Variants in DGKI observed in about 807,000 individuals in gnomAD.
The protein encoded by DGKI is DAG kinase iota.
DGKI carries 55 observed loss-of-function variants against 147.5 expected under a neutral mutation model. The observed-to-expected ratio is 0.37, with a 90% CI of 0.30 to 0.47. The LOEUF is 0.47. DGKI is among the 20% of genes least tolerant of loss of function. The pLI is 1.00. For missense variants in DGKI, 1,007 were observed against 1,323.8 expected (o/e 0.76, Z 3.71); for synonymous variants, 469 against 477.1 (o/e 0.98, Z 0.22).
chr7:137,450,595 G>A (rs945261620), intron 27 of DGKI, among the ~76,000 whole-genome samples: 13 of 151,860 alleles, frequency 8.6e-5, no homozygotes, highest in African/African-American at 2.2e-4. Flanking sequence ...GGTGGCACGC[G>A]CCTATAATCC....
At chr7:137,583,129 T>C (rs1819263689) in intron 14 of DGKI, among the ~76,000 whole-genome samples, 1 of 151,878 alleles carries the variant, frequency 6.6e-6, no homozygotes, top group East Asian at 1.9e-4. Flanking sequence ...AAAAAGAAAA[T>C]TGGATTGGCT....
At chr7:137,524,841 T>C (rs74819285) in intron 20 of DGKI, among the ~76,000 whole-genome samples, 4,897 of 152,228 alleles carry the variant, frequency 0.032, 218 homozygotes, top group East Asian at 0.11. Flanking sequence ...AAGACCTCGA[T>C]TGGGCAGTAG....
intron 1 of DGKI, among the ~76,000 whole-genome samples, chr7:137,767,495 G>GAGAAA (rs1233301776): frequency 3.4e-5 from 5 of 145,832 alleles, no homozygotes; most frequent in Non-Finnish European, 7.5e-5. Flanking sequence ...GAGAAGAGAA[G>GAGAAA]AGAAGAGAAG....
At chr7:137,690,031 A>G (rs73152512) in intron 1 of DGKI, 29 bp from the exon 2 acceptor site, 70 of 1,541,838 alleles carry the variant, frequency 4.5e-5, no homozygotes, top group Non-Finnish European at 6.0e-5. Context: ...CAAAAACAAA[A>G]ACAAAGAAAA....
chr7:137,434,367 G>A (rs879881878), intron 28 of DGKI, among the ~76,000 whole-genome samples: 1 of 152,078 alleles, frequency 6.6e-6, no homozygotes, highest in Non-Finnish European at 1.5e-5. Context: ...ATTGCCTGAG[G>A]TCAGGAGTTT....
At chr7:137,698,928 T>C (rs941219960) in intron 1 of DGKI, among the ~76,000 whole-genome samples, 1 of 152,160 alleles carries the variant, frequency 6.6e-6, no homozygotes, top group Non-Finnish European at 1.5e-5. Flanking sequence ...CAAGATGGTA[T>C]AATACCAGGG....
At chr7:137,473,649 AC>A (rs1373525499) in intron 23 of DGKI, among the ~76,000 whole-genome samples, 1 of 152,146 alleles carries the variant, frequency 6.6e-6, no homozygotes, top group East Asian at 1.9e-4. Flanking sequence ...ACAACAAACA[AC>A]AAAAGCTCTC....
intron 14 of DGKI, among the ~76,000 whole-genome samples, chr7:137,583,453 T>C (rs1000240273): frequency 1.3e-5 from 2 of 152,206 alleles, no homozygotes; most frequent in African/African-American, 2.4e-5. Flanking sequence ...TTCTAACCCA[T>C]GTCTTAACAT....
chr7:137,674,219 A>G (rs1822948240), intron 3 of DGKI, among the ~76,000 whole-genome samples: 2 of 152,244 alleles, frequency 1.3e-5, no homozygotes, highest in Non-Finnish European at 2.9e-5. Flanking sequence ...ATTCTACAGT[A>G]TTAAATGTTG....
chr7:137,739,149 C>T (rs1209494193), intron 1 of DGKI, among the ~76,000 whole-genome samples: 1 of 152,138 alleles, frequency 6.6e-6, no homozygotes, highest in Non-Finnish European at 1.5e-5. Flanking sequence ...CTCTGAGCCA[C>T]GTGTCTCAGC....
chr7:137,564,234 G>C (rs1034278577), intron 19 of DGKI, among the ~76,000 whole-genome samples: 3 of 152,130 alleles, frequency 2.0e-5, no homozygotes, highest in African/African-American at 7.2e-5. Flanking sequence ...AATTTGAGCT[G>C]AATCATATAC....
intron 20 of DGKI, among the ~76,000 whole-genome samples, chr7:137,534,758 TCCAGTA>T: frequency 6.6e-6 from 1 of 152,156 alleles, no homozygotes; most frequent in African/African-American, 2.4e-5. Context: ...ATCAAATTTA[TCCAGTA>T]TGATGCTGTT....
chr7:137,762,510 T>C (rs1430236607), intron 1 of DGKI, among the ~76,000 whole-genome samples: 3 of 152,246 alleles, frequency 2.0e-5, no homozygotes, highest in East Asian at 3.8e-4. Context: ...TTCTCTGCCA[T>C]TGATGAGCAT....
At chr7:137,830,971 C>T (rs761914920) in intron 1 of DGKI, among the ~76,000 whole-genome samples, 16 of 152,182 alleles carry the variant, frequency 1.1e-4, no homozygotes, top group Non-Finnish European at 2.4e-4. Flanking sequence ...ATAGTGATAA[C>T]TACTCAGAGT....
intron 1 of DGKI, among the ~76,000 whole-genome samples, chr7:137,767,026 G>A (rs1796034019): frequency 6.6e-6 from 1 of 152,146 alleles, no homozygotes; most frequent in South Asian, 2.1e-4. Context: ...GACGAGCCGG[G>A]GCCACCCACA....
At position 137,679,990 on chromosome 7, in the gene DGKI, C is replaced by CAAAAAAAAAAA. The variant is rs768437551; in HGVS notation, c.511-1349_511-1339dup. 1.8e-3 allele frequency among the ~76,000 whole-genome samples: 99 copies of CAAAAAAAAAAA among 54,056 alleles called. 4 individuals carry two copies. Among genetic ancestry groups the CAAAAAAAAAAA allele is most frequent in the African/African-American group, 5.5e-3 (89 of 16,088 alleles). 35.5% of individuals were successfully genotyped at this position (54,056 alleles called of 152,430 possible). Reference sequence around the variant, plus strand: ...TGGGCGACAGAGTGAGACTCCATCTCAAAAAAAAAAAAAAAAAAAAAAATT... The same window carrying CAAAAAAAAAAA: ...TGGGCGACAGAGTGAGACTCCATCTCAAAAAAAAAAAAAAAAAAAAAAAAAAAAAAAAAATT... On this transcript the variant is annotated intron_variant, in intron 2 of 32. Transcript: ENST00000614521.
At chr7:137,395,571 G>A (rs1811519616) in intron 32 of DGKI, 27 bp downstream of exon 32, 2 of 1,598,878 alleles carry the variant, frequency 1.3e-6, no homozygotes, top group Non-Finnish European at 1.7e-6. Context: ...CCAGCGGGAG[G>A]ATGTTTGCAC....
intron 19 of DGKI, among the ~76,000 whole-genome samples, chr7:137,557,031 T>C (rs536986756): frequency 2.6e-5 from 4 of 152,276 alleles, no homozygotes; most frequent in Admixed American, 2.6e-4. Context: ...GACCTCAGCC[T>C]GCCTTTGGAC....
At chr7:137,770,253 G>A (rs372511587) in intron 1 of DGKI, among the ~76,000 whole-genome samples, 13 of 152,176 alleles carry the variant, frequency 8.5e-5, no homozygotes, top group African/African-American at 1.9e-4. Flanking sequence ...TCTCATAAGC[G>A]GGAGTGAAAC....
Sources: gnomAD v4.1 joint callset for allele counts (sites outside exome capture counted in the v4.1 genomes callset) on GRCh38, gnomAD v4.1.1 for gene constraint, MANE v1.5 for transcripts, NCBI Gene and HGNC (gene_info 2026-07-23, HGNC 2026-07-21) for gene names.